The following CDYL variants were observed in gnomAD, a reference collection of about 807,000 sequenced individuals.
The protein encoded by CDYL is chromodomain Y-like protein.
A neutral mutation model predicts 47.3 loss-of-function variants in CDYL; 8 were observed. That is an observed-to-expected ratio of 0.17 (90% CI 0.10 to 0.31). CDYL has a LOEUF of 0.31. CDYL is among the 10% of genes least tolerant of loss of function. The probability of loss-of-function intolerance (pLI) is 1.00; values close to 1 mark genes in which losing one functional copy is unlikely to be tolerated. For missense variants in CDYL, 471 were observed against 701.4 expected, an observed-to-expected ratio of 0.67 and a Z score of 3.71; for synonymous variants, 266 against 265.0, an observed-to-expected ratio of 1.00 and a Z score of -0.04.
intron 1 of CDYL, among the ~76,000 whole-genome samples, chr6:4,841,504 C>G: frequency 6.6e-6 from 1 of 152,072 alleles, no homozygotes; most frequent in East Asian, 1.9e-4. Flanking sequence ...TGTTCTCTTT[C>G]AGACTTTTCA....
chr6:4,770,693 G>T (rs148234242), intron 3 of CDYL, among the ~76,000 whole-genome samples: 118 of 152,144 alleles, frequency 7.8e-4, no homozygotes, highest in South Asian at 1.5e-3. Flanking sequence ...TATCACTCTG[G>T]GATATGTGTA....
At chr6:4,926,949 C>T (rs1757892370) in intron 2 of CDYL, among the ~76,000 whole-genome samples, 1 of 152,160 alleles carries the variant, frequency 6.6e-6, no homozygotes, top group Non-Finnish European at 1.5e-5. Context: ...TGCTTAGGAG[C>T]TCAGCATGTG....
intron 1 of CDYL, among the ~76,000 whole-genome samples, chr6:4,809,538 A>G (rs1473694663): frequency 6.6e-6 from 1 of 151,834 alleles, no homozygotes; most frequent in Non-Finnish European, 1.5e-5. Flanking sequence ...TGGTAGGGGT[A>G]TTATATTAGT....
chr6:4,808,338 T>A (rs1759430922), intron 1 of CDYL, among the ~76,000 whole-genome samples: 1 of 152,242 alleles, frequency 6.6e-6, no homozygotes, highest in East Asian at 1.9e-4. Context: ...ATGAATTCCA[T>A]TTCCAGTTTA....
chr6:4,819,992 T>C (rs962985460), intron 1 of CDYL, among the ~76,000 whole-genome samples: 6 of 152,012 alleles, frequency 3.9e-5, no homozygotes, highest in African/African-American at 9.7e-5. Context: ...ACAAGAGTTG[T>C]TAAGGGAGGC....
chr6:4,734,028 T>C (rs961039213), intron 2 of CDYL, among the ~76,000 whole-genome samples: 5 of 151,986 alleles, frequency 3.3e-5, no homozygotes, highest in African/African-American at 1.2e-4. Context: ...TTAGTAGAGA[T>C]GGGGTTTCAC....
chr6:4,707,908 T>G (rs1290715551), intron 1 of CDYL, among the ~76,000 whole-genome samples: 3 of 151,476 alleles, frequency 2.0e-5, no homozygotes, highest in Non-Finnish European at 4.4e-5. Context: ...TCAGTTCTAT[T>G]TTTTTTAGTC....
chr6:4,717,883 A>C (rs567880609), intron 2 of CDYL, among the ~76,000 whole-genome samples: 2 of 148,092 alleles, frequency 1.4e-5, no homozygotes, highest in South Asian at 2.1e-4. Context: ...GTCTCACTCT[A>C]TCACATAGGC....
intron 1 of CDYL, among the ~76,000 whole-genome samples, chr6:4,800,768 T>C (rs1759201838): frequency 1.3e-5 from 2 of 152,240 alleles, no homozygotes; most frequent in Admixed American, 1.3e-4. Flanking sequence ...GTCTTCAGAC[T>C]TAAAAGTTTC....
intron 1 of CDYL, among the ~76,000 whole-genome samples, chr6:4,822,836 A>C (rs1232765192): frequency 6.6e-6 from 1 of 152,202 alleles, no homozygotes. Context: ...TGTTGTTCAG[A>C]TGTGACCCCA....
intron 1 of CDYL, among the ~76,000 whole-genome samples, chr6:4,823,232 A>T (rs1759888895): frequency 6.6e-6 from 1 of 152,194 alleles, no homozygotes; most frequent in African/African-American, 2.4e-5. Flanking sequence ...TACCTAATTG[A>T]TCTTATCCAT....
intron 2 of CDYL, among the ~76,000 whole-genome samples, chr6:4,726,699 C>CAAA (rs535946910): frequency 8.0e-6 from 1 of 124,714 alleles, no homozygotes. Context: ...AGACCTGTCT[C>CAAA]AAAAAAAAAA....
At chr6:4,900,801 A>ATCTATATCTATATC (rs1561697576) in intron 2 of CDYL, among the ~76,000 whole-genome samples, 1 of 76,628 alleles carries the variant, frequency 1.3e-5, no homozygotes, top group African/African-American at 5.6e-5. Flanking sequence ...ATATATATAT[A>ATCTATATCTATATC]TATATATATA....
chr6:4,776,202 C>T (rs1490705392), upstream of CDYL, among the ~76,000 whole-genome samples: 3 of 143,300 alleles, frequency 2.1e-5, no homozygotes, highest in Non-Finnish European at 1.6e-5. Flanking sequence ...CCCCGCTCCT[C>T]CCCTTCCTGC....
At chr6:4,818,571 T>A (rs1026144108) in intron 1 of CDYL, among the ~76,000 whole-genome samples, 2 of 152,170 alleles carry the variant, frequency 1.3e-5, no homozygotes, top group African/African-American at 4.8e-5. Context: ...TTTATTGACT[T>A]TTGGGCCACA....
At chr6:4,731,474 C>T (rs1294042169) in intron 2 of CDYL, among the ~76,000 whole-genome samples, 6 of 152,084 alleles carry the variant, frequency 3.9e-5, no homozygotes, top group Non-Finnish European at 8.8e-5. Flanking sequence ...CATCCCCTTC[C>T]ATTATGGATC....
chr6:4,947,947 C>G (rs1297603108), intron 5 of CDYL, among the ~76,000 whole-genome samples: 3 of 152,170 alleles, frequency 2.0e-5, no homozygotes, highest in Non-Finnish European at 4.4e-5. Flanking sequence ...AGGCAGTTTG[C>G]TGGGGTGGGG....
At chr6:4,945,707 A>G (rs1489447763) in intron 5 of CDYL, among the ~76,000 whole-genome samples, 3 of 152,314 alleles carry the variant, frequency 2.0e-5, no homozygotes, top group African/African-American at 7.2e-5. Flanking sequence ...GCTGCCCACC[A>G]TCATGGAGCC....
At chr6:4,734,644 A>G (rs918760777) in intron 2 of CDYL, 177 of 1,345,108 alleles carry the variant, frequency 1.3e-4, no homozygotes, top group Non-Finnish European at 1.7e-4. Context: ...TAGACTCCTA[A>G]TTCAGGAAGG....
Sources: gnomAD v4.1 joint callset for allele counts (sites outside exome capture counted in the v4.1 genomes callset) on GRCh38, gnomAD v4.1.1 for gene constraint, MANE v1.5 for transcripts, NCBI Gene and HGNC (gene_info 2026-07-23, HGNC 2026-07-21) for gene names.